ABAT: variants seen among roughly 807,000 people sequenced by gnomAD.
ABAT encodes the protein 4-aminobutyrate aminotransferase, mitochondrial.
Under a neutral mutation model 64.6 loss-of-function variants are expected in ABAT, and 45 were observed. The observed-to-expected ratio is 0.70, with a 90% confidence interval of 0.55 to 0.89. The LOEUF is 0.89. ABAT is among the 40% of genes least tolerant of loss of function. ABAT has a pLI of 0.00. For missense variants in ABAT, 633 were observed against 658.4 expected (o/e 0.96, Z 0.42); for synonymous variants, 297 against 250.5 (o/e 1.19, Z -1.75).
intron 2 of ABAT, among the ~76,000 whole-genome samples, chr16:8,744,957 C>T (rs541329805): frequency 1.1e-4 from 17 of 152,188 alleles, no homozygotes; most frequent in East Asian, 7.8e-4. Flanking sequence ...AGCTGACCTC[C>T]GGTGCTGGAC....
At chr16:8,721,357 C>G (rs551233552) in intron 1 of ABAT, among the ~76,000 whole-genome samples, 1 of 152,298 alleles carries the variant, frequency 6.6e-6, no homozygotes, top group South Asian at 2.1e-4. Context: ...GGCCCACCGT[C>G]CACTCTTTAT....
chr16:8,719,708 C>T (rs933100966), intron 1 of ABAT, among the ~76,000 whole-genome samples: 6 of 151,852 alleles, frequency 4.0e-5, no homozygotes, highest in African/African-American at 1.2e-4. Flanking sequence ...GCCTGGGAAA[C>T]GTAGTGAGAC....
At chr16:8,751,522 C>T (rs1385757894) in intron 5 of ABAT, among the ~76,000 whole-genome samples, 1 of 152,152 alleles carries the variant, frequency 6.6e-6, no homozygotes, top group African/African-American at 2.4e-5. Context: ...CACAGCCTGA[C>T]CCCACTTCGG....
At chr16:8,717,974 G>A (rs979555528) in intron 1 of ABAT, among the ~76,000 whole-genome samples, 1 of 152,074 alleles carries the variant, frequency 6.6e-6, no homozygotes, top group African/African-American at 2.4e-5. Flanking sequence ...GTGAGCTTGG[G>A]CATGTTATTT....
intron 6 of ABAT, among the ~76,000 whole-genome samples, chr16:8,758,432 C>T (rs1345485137): frequency 2.0e-5 from 3 of 152,100 alleles, no homozygotes; most frequent in Non-Finnish European, 4.4e-5. Context: ...AAGAGGGCAG[C>T]GGCAAGGGCA....
intron 6 of ABAT, among the ~76,000 whole-genome samples, chr16:8,759,951 G>A (rs1228160556): frequency 1.3e-5 from 2 of 152,206 alleles, no homozygotes; most frequent in African/African-American, 2.4e-5. Context: ...TCCTCCTGGT[G>A]TGTGTAATCG....
intron 1 of ABAT, chr16:8,715,318 G>C (rs2058182834): frequency 6.6e-6 from 1 of 152,006 alleles, no homozygotes; most frequent in African/African-American, 2.4e-5. Context: ...TGGATCAGGG[G>C]AACAGAAAAC....
At chr16:8,747,596 G>T (rs9936820) in intron 3 of ABAT, among the ~76,000 whole-genome samples, 3,271 of 151,948 alleles carry the variant, frequency 0.022, 124 homozygotes, top group African/African-American at 0.073. Context: ...ATTTTATATT[G>T]AATTACTTTT....
chr16:8,687,865 T>C (rs1247992328), intron 1 of ABAT, among the ~76,000 whole-genome samples: 3 of 152,088 alleles, frequency 2.0e-5, no homozygotes, highest in African/African-American at 7.2e-5. Flanking sequence ...TGAATGGTTG[T>C]TAAATTGGAA....
At chr16:8,698,652 G>C (rs995906326) in intron 1 of ABAT, among the ~76,000 whole-genome samples, 14 of 152,030 alleles carry the variant, frequency 9.2e-5, no homozygotes, top group Non-Finnish European at 2.9e-5. Flanking sequence ...TTTATGAATA[G>C]TGCTGCAATT....
At chr16:8,732,753 G>A (rs1043589737) in intron 1 of ABAT, among the ~76,000 whole-genome samples, 1 of 150,806 alleles carries the variant, frequency 6.6e-6, no homozygotes, top group African/African-American at 2.5e-5. Context: ...TCCCAGACGG[G>A]GTGGTGGCCG....
intron 1 of ABAT, chr16:8,713,695 TG>T: frequency 2.9e-6 from 1 of 347,948 alleles, no homozygotes; most frequent in South Asian, 2.1e-5. Context: ...CCCCATGTTT[TG>T]GGGACTGCCT....
At chr16:8,710,725 A>G (rs59626236) in intron 1 of ABAT, among the ~76,000 whole-genome samples, 6 of 136,936 alleles carry the variant, frequency 4.4e-5, no homozygotes, top group Admixed American at 1.5e-4. Context: ...AGAGAGAGAG[A>G]GAGAGGAAAT....
Position 8,757,704 on chromosome 16 carries a change from A to G in ABAT, c.317-53A>G, listed in dbSNP as rs1486589046. ...AGAGGGAAGGAGAGGTGGGAGGGGC[A>G]TGGGGAACCCTTGGATGCAATGAGG... On this transcript the variant is annotated intron_variant, in intron 5 of 15. Transcript: ENST00000268251. 6.4e-6 allele frequency: 10 copies of G among 1,571,500 alleles called. No individual in the cohort carries two copies. In the East Asian group the frequency reaches 2.0e-4, roughly 32 times the overall value.
At chr16:8,769,578 AAG>A (rs1379164819) in intron 11 of ABAT, among the ~76,000 whole-genome samples, 10 of 129,326 alleles carry the variant, frequency 7.7e-5, no homozygotes, top group Non-Finnish European at 1.1e-4. Context: ...AAAAAAAAAA[AAG>A]AGAGAGAGAG....
chr16:8,738,545 G>T, intron 2 of ABAT: 1 of 424,052 alleles, frequency 2.4e-6, no homozygotes, highest in South Asian at 1.7e-5. Context: ...TCTCGACCTG[G>T]GTGGTTTTAA....
chr16:8,741,485 A>G (rs1249026560), intron 2 of ABAT, among the ~76,000 whole-genome samples: 5 of 152,232 alleles, frequency 3.3e-5, no homozygotes, highest in Non-Finnish European at 7.3e-5. Flanking sequence ...TAATGTAAGA[A>G]TAATAACATT....
At chr16:8,769,296 G>A (rs560234123) in intron 11 of ABAT, among the ~76,000 whole-genome samples, 29 of 152,284 alleles carry the variant, frequency 1.9e-4, no homozygotes, top group African/African-American at 6.7e-4. Context: ...GGCTGGGCAC[G>A]GTGGCTCCGC....
chr16:8,725,103 A>G (rs1208463297), intron 1 of ABAT, among the ~76,000 whole-genome samples: 3 of 151,982 alleles, frequency 2.0e-5, no homozygotes, highest in Admixed American at 6.6e-5. Flanking sequence ...TTTAGTAAAG[A>G]CGGGGTTTCT....
Sources: gnomAD v4.1 joint callset for allele counts (sites outside exome capture counted in the v4.1 genomes callset) on GRCh38, gnomAD v4.1.1 for gene constraint, MANE v1.5 for transcripts, NCBI Gene and HGNC (gene_info 2026-07-23, HGNC 2026-07-21) for gene names.